Variants in PDE5A observed in about 807,000 individuals in gnomAD.
PDE5A encodes cGMP-specific 3',5'-cyclic phosphodiesterase.
In PDE5A, 67 loss-of-function variants were observed where a neutral mutation model predicts 110.2. The observed-to-expected ratio is 0.61, with a 90% CI of 0.50 to 0.75. PDE5A has a LOEUF of 0.75. PDE5A is among the 30% of genes least tolerant of loss of function. The pLI is 0.00. For missense variants in PDE5A, 862 were observed against 1,045.1 expected, an observed-to-expected ratio of 0.82 and a Z score of 2.42; for synonymous variants, 328 against 351.2, an observed-to-expected ratio of 0.93 and a Z score of 0.74.
In PDE5A at chr4:119,535,423, G is replaced by A. The variant is rs148318439; in HGVS notation, c.1632+3537C>T. Among the ~76,000 whole-genome samples the A allele has an allele frequency of 1.3e-3, 198 of 152,022 alleles. 1 individual carries two copies. Among genetic ancestry groups the A allele is most frequent in the African/African-American group, 4.5e-3 (186 of 41,480 alleles). On this transcript the variant is annotated intron_variant, in intron 11 of 20. Transcript: ENST00000354960. Reference sequence around the variant, plus strand: ...TTTGCATCTTTCCACAGTTTTTCCCGCCACCCTGACTGATCTCCTACAGAA... The same window carrying A: ...TTTGCATCTTTCCACAGTTTTTCCCACCACCCTGACTGATCTCCTACAGAA...
chr4:119,575,154 C>T (rs946104236), intron 3 of PDE5A, among the ~76,000 whole-genome samples: 44 of 152,222 alleles, frequency 2.9e-4, no homozygotes, highest in East Asian at 7.7e-4. Context: ...TAAAAAGAAA[C>T]GAACAAAGCC....
At chr4:119,551,342 C>T (rs1727347945) in intron 9 of PDE5A, among the ~76,000 whole-genome samples, 3 of 152,192 alleles carry the variant, frequency 2.0e-5, no homozygotes, top group Admixed American at 2.0e-4. Context: ...AATGCATTCT[C>T]TTCCCATGAG....
intron 2 of PDE5A, among the ~76,000 whole-genome samples, chr4:119,604,232 G>A (rs779620689): frequency 2.0e-5 from 3 of 152,082 alleles, no homozygotes; most frequent in African/African-American, 2.4e-5. Context: ...AATAGTACAA[G>A]AATTAAATCA....
At chr4:119,501,697 T>G (rs10031665) in intron 19 of PDE5A, among the ~76,000 whole-genome samples, 1 of 151,956 alleles carries the variant, frequency 6.6e-6, no homozygotes, top group Non-Finnish European at 1.5e-5. Context: ...AGAGGAAAAC[T>G]CTTATGTTTT....
chr4:119,507,474 T>C, intron 16 of PDE5A, 130 bp downstream of exon 16: 1 of 604,750 alleles, frequency 1.7e-6, no homozygotes, highest in South Asian at 2.1e-5. Flanking sequence ...TTTCAGAAAC[T>C]GCTCCGTATT....
Position 119,525,758 on chromosome 4 carries a change from T to C in PDE5A, c.1633-63A>G, listed in dbSNP as rs149189299. The C allele has an allele frequency of 0.013, 20,135 of 1,503,494 alleles. 185 individuals carry two copies. Among genetic ancestry groups the C allele is most frequent in the South Asian group, 0.023 (1,869 of 80,822 alleles). 93.1% of individuals were successfully genotyped at this position (1,503,494 alleles called of 1,614,324 possible). On this transcript the variant is annotated intron_variant, in intron 11 of 20. Transcript: ENST00000354960. This position sits in a 1 kb window ranked among gnomAD's most constrained non-coding sequence, Gnocchi z 4.3. ...ATTAAAGCAGCAGTGATTTGCAAGG[T>C]TTTCTTGTTTTGCTGCAGAGAAATA... is the stretch of plus-strand genomic sequence containing the variant.
rs139562384 is a variant in PDE5A, at chr4:119,502,601, C to A, written c.2386G>T (p.Glu796Ter). The change falls in exon 19 of 21, where the codon GAA becomes TAA. Residue 796 changes from glutamate to a stop codon, truncating the protein, a stop_gained. Transcript: ENST00000354960. LOFTEE classifies it high-confidence loss of function. ...CTTACAGTGGGTTCTATGTTGAGTT[C>A]TTTTCTCTCTCTGTCTCCTTGATCA... Reference protein sequence around the residue: ...FFDQGDRERKELNIEPTDLMN... With the variant: ...FFDQGDRERK 2.5e-6 allele frequency: 4 copies of A among 1,603,682 alleles called. No individual in the cohort carries two copies. The African/African-American group carries it at 5.4e-5, about 21-fold the overall frequency.
At chr4:119,516,211 C>A (rs1273162542) in intron 14 of PDE5A, among the ~76,000 whole-genome samples, 1 of 152,208 alleles carries the variant, frequency 6.6e-6, no homozygotes, top group African/African-American at 2.4e-5. Flanking sequence ...CTCTGCTGAA[C>A]ACTTACAGTC....
At chr4:119,602,688 A>G (rs1560636415) in intron 2 of PDE5A, among the ~76,000 whole-genome samples, 1 of 152,224 alleles carries the variant, frequency 6.6e-6, no homozygotes, top group Non-Finnish European at 1.5e-5. Flanking sequence ...AACAATTCGT[A>G]TTTCTTTAGA....
chr4:119,524,484 A>G (rs937430732), intron 12 of PDE5A, among the ~76,000 whole-genome samples: 44 of 152,324 alleles, frequency 2.9e-4, no homozygotes, highest in African/African-American at 1.1e-3. Flanking sequence ...CCTAAGAAAG[A>G]GTAACATAAA....
intron 13 of PDE5A, 89 bp from the exon 14 acceptor site, chr4:119,519,228 T>G: frequency 7.5e-6 from 7 of 928,154 alleles, no homozygotes; most frequent in Non-Finnish European, 1.2e-5. Flanking sequence ...ATCTTTTTTT[T>G]CCCCTCAGTG....
chr4:119,596,488 C>T, intron 3 of PDE5A, 35 bp downstream of exon 3: 1 of 1,182,054 alleles, frequency 8.5e-7, no homozygotes. Flanking sequence ...AAAAATATTT[C>T]CAATGACCTT....
In PDE5A at chr4:119,607,892, T is replaced by C. The variant is rs763856987; in HGVS notation, c.153-595A>G. Reference sequence around the variant, plus strand: ...GTCTGCTTCTCTCAAAATTAGCTTATATTAAAAAGTAAAAGACACTAAATT... The same window carrying C: ...GTCTGCTTCTCTCAAAATTAGCTTACATTAAAAAGTAAAAGACACTAAATT... On this transcript the variant is annotated intron_variant, in intron 1 of 20. Coordinates refer to ENST00000354960, the MANE Select transcript of PDE5A (RefSeq NM_001083.4). Among the ~76,000 whole-genome samples, 11 of 152,328 alleles carry C rather than the reference T, an allele frequency of 7.2e-5. 1 individual carries two copies. In the South Asian group the frequency reaches 1.9e-3, roughly 26 times the overall value.
intron 5 of PDE5A, 110 bp downstream of exon 5, chr4:119,565,211 A>G (rs753812622): frequency 2.0e-4 from 141 of 695,710 alleles, no homozygotes; most frequent in Non-Finnish European, 2.7e-4. Context: ...GTATTGAGAA[A>G]CTGAATCTGT....
intron 10 of PDE5A, 26 bp downstream of exon 10, chr4:119,542,433 G>A (rs1449988355): frequency 6.2e-7 from 1 of 1,608,618 alleles, no homozygotes; most frequent in Admixed American, 1.7e-5. Flanking sequence ...GCTGTACAGT[G>A]TGAGAGGTCC....
rs375152475 is a variant in PDE5A, at chr4:119,504,019, G to A, written c.2331+517C>T. On this transcript the variant is annotated intron_variant, in intron 18 of 20. Transcript: ENST00000354960. Reference sequence around the variant, plus strand: ...TATATATGTATATTGTGTATTGGTGGGGACTGGGCTTCTAGTATACCCATT... The same window carrying A: ...TATATATGTATATTGTGTATTGGTGAGGACTGGGCTTCTAGTATACCCATT... Among the ~76,000 whole-genome samples, 19 of 152,062 alleles carry A rather than the reference G, an allele frequency of 1.2e-4. No homozygotes were observed. In the East Asian group the frequency reaches 1.4e-3, roughly 11 times the overall value.
chr4:119,588,754 C>T lies in PDE5A; in HGVS notation c.831+7769G>A, dbSNP rs73842673. ...TCGGTAGGTGTTAATCACTTGGATT[C>T]GCCAAAGTATAAATCTCATAAAAAT... is the stretch of plus-strand genomic sequence containing the variant. On this transcript the variant is annotated intron_variant, in intron 3 of 20. Transcript: ENST00000354960. 7.7e-3 allele frequency among the ~76,000 whole-genome samples: 1,165 copies of T among 152,190 alleles called. 13 individuals are homozygous for T. Among genetic ancestry groups the T allele is most frequent in the African/African-American group, 0.025 (1,042 of 41,498 alleles).
intron 9 of PDE5A, among the ~76,000 whole-genome samples, chr4:119,551,375 G>A (rs1727349382): frequency 6.6e-6 from 1 of 152,184 alleles, no homozygotes; most frequent in Non-Finnish European, 1.5e-5. Flanking sequence ...GGAAAAGAAA[G>A]TAATCAGTAC....
intron 3 of PDE5A, among the ~76,000 whole-genome samples, chr4:119,592,177 C>T (rs1224371447): frequency 4.2e-5 from 5 of 117,732 alleles, no homozygotes; most frequent in Non-Finnish European, 7.2e-5. Flanking sequence ...AAAAAAAAGC[C>T]GGGCGTGGTG....
Sources: gnomAD v4.1 joint callset for allele counts (sites outside exome capture counted in the v4.1 genomes callset) on GRCh38, gnomAD v4.1.1 for gene constraint, Gnocchi (gnomAD v3.1) non-coding constraint, MANE v1.5 for transcripts, NCBI Gene and HGNC (gene_info 2026-07-23, HGNC 2026-07-21) for gene names.